The following EIPR1 variants were observed in gnomAD, a reference collection of about 807,000 sequenced individuals.
EIPR1 encodes the protein EARP complex and GARP complex interacting protein 1.
Under a neutral mutation model 48.1 loss-of-function variants are expected in EIPR1, and 25 were observed. That is an observed-to-expected ratio of 0.52 (90% CI 0.38 to 0.73). The LOEUF (loss-of-function observed/expected upper bound fraction) is 0.73. Ranked by LOEUF, EIPR1 falls within the 30% of genes least tolerant of loss-of-function variation. The pLI, the probability that EIPR1 is intolerant of heterozygous loss-of-function variation, is 0.00. For missense variants in EIPR1, 415 were observed against 506.2 expected, an observed-to-expected ratio of 0.82 and a Z score of 1.73; for synonymous variants, 204 against 201.9, an observed-to-expected ratio of 1.01 and a Z score of -0.09.
intron 2 of EIPR1, among the ~76,000 whole-genome samples, chr2:3,353,504 C>T (rs766040689): frequency 6.6e-6 from 1 of 152,156 alleles, no homozygotes; most frequent in Non-Finnish European, 1.5e-5. Flanking sequence ...CCAGATTCAA[C>T]CTGAGGGAAG....
chr2:3,260,315 AC>A (rs1299016440), intron 3 of EIPR1, among the ~76,000 whole-genome samples: 3 of 151,984 alleles, frequency 2.0e-5, no homozygotes, highest in African/African-American at 7.3e-5. Flanking sequence ...ACATGGTGAA[AC>A]CCCGTCTCTA....
At chr2:3,362,671 G>GC (rs1553306027) in intron 1 of EIPR1, among the ~76,000 whole-genome samples, 1 of 150,342 alleles carries the variant, frequency 6.7e-6, no homozygotes, top group Non-Finnish European at 1.5e-5. Context: ...AAAAGGAGAA[G>GC]AAAAAACAGA....
intron 3 of EIPR1, among the ~76,000 whole-genome samples, chr2:3,280,218 C>T (rs1291671145): frequency 6.6e-6 from 1 of 152,246 alleles, no homozygotes; most frequent in African/African-American, 2.4e-5. Context: ...CCCCTTTAAA[C>T]CTGAGTCCGG....
intron 5 of EIPR1, among the ~76,000 whole-genome samples, chr2:3,213,886 A>C (rs1410775268): frequency 1.3e-5 from 2 of 152,194 alleles, no homozygotes; most frequent in Non-Finnish European, 2.9e-5. Context: ...GTTCTAGGGT[A>C]CATGTGCACA....
At chr2:3,355,517 C>A (rs1272101914) in intron 1 of EIPR1, among the ~76,000 whole-genome samples, 1 of 152,172 alleles carries the variant, frequency 6.6e-6, no homozygotes, top group Admixed American at 6.5e-5. Flanking sequence ...TCAAAAATAG[C>A]CAGTCATAAG....
In EIPR1 at chr2:3,305,970, G is replaced by A. The variant is rs752471879; in HGVS notation, c.259+32047C>T. ...TTCTATGACCTGAAAATTTCAAATCGCTGCTTCCCCCCTTTCTACTGAGTT... is the reference window on the plus strand; with the variant it reads ...TTCTATGACCTGAAAATTTCAAATCACTGCTTCCCCCCTTTCTACTGAGTT... On this transcript the variant is annotated intron_variant, in intron 3 of 8. Coordinates refer to ENST00000382125, the MANE Select transcript of EIPR1 (RefSeq NM_003310.5). Among the ~76,000 whole-genome samples, 60 of 152,114 alleles carry A rather than the reference G, an allele frequency of 3.9e-4. 1 individual carries two copies. Among genetic ancestry groups the A allele is most frequent in the South Asian group, 1.5e-3 (7 of 4,796 alleles).
chr2:3,335,601 G>A (rs913284140), intron 3 of EIPR1, among the ~76,000 whole-genome samples: 3 of 152,202 alleles, frequency 2.0e-5, no homozygotes, highest in African/African-American at 7.2e-5. Flanking sequence ...AACTGATGTG[G>A]TTTGGGTCTG....
intron 1 of EIPR1, 36 bp downstream of exon 1, chr2:3,377,612 G>A (rs372755085): frequency 1.5e-5 from 24 of 1,558,914 alleles, no homozygotes; most frequent in African/African-American, 1.4e-5. Context: ...TCAACAGCCA[G>A]GCCGAGCAGC....
At chr2:3,247,028 C>CGAGG (rs1666846620) in intron 4 of EIPR1, among the ~76,000 whole-genome samples, 1 of 5,596 alleles carries the variant, frequency 1.8e-4, no homozygotes, top group Non-Finnish European at 2.7e-4. Flanking sequence ...AGGGAGAGAG[C>CGAGG]GAGGGAGGGA....
intron 3 of EIPR1, chr2:3,320,398 T>C (rs62121547): frequency 0.13 from 20,713 of 158,836 alleles, 1,704 homozygotes; most frequent in Non-Finnish European, 0.18. Context: ...CGGACAACAC[T>C]GCACCTGTGT....
intron 1 of EIPR1, among the ~76,000 whole-genome samples, chr2:3,356,629 G>A (rs181491395): frequency 2.0e-4 from 30 of 152,276 alleles, no homozygotes; most frequent in East Asian, 7.7e-4. Flanking sequence ...GAACTTACGC[G>A]GTAAAGGGAC....
At chr2:3,264,515 G>A (rs1466987726) in intron 3 of EIPR1, among the ~76,000 whole-genome samples, 3 of 152,208 alleles carry the variant, frequency 2.0e-5, no homozygotes, top group Non-Finnish European at 4.4e-5. Flanking sequence ...CACTGCTAGG[G>A]AAGTGTCAAA....
chr2:3,257,276 G>A lies in EIPR1; in HGVS notation c.416+23C>T, dbSNP rs6711665. ...GCCAACCTGCAGGCTCGTTCTGGGC[G>A]CATGAAATATGCAAAATCCTACCAG... On this transcript the variant is annotated intron_variant, in intron 4 of 8. Coordinates refer to ENST00000382125, the MANE Select transcript of EIPR1 (RefSeq NM_003310.5). The A allele has an allele frequency of 2.6e-3, 4,234 of 1,604,860 alleles. 81 individuals carry two copies. The African/African-American group carries it at 0.049, about 18-fold the overall frequency.
At chr2:3,238,549 C>T (rs530859542) in intron 4 of EIPR1, among the ~76,000 whole-genome samples, 7 of 152,368 alleles carry the variant, frequency 4.6e-5, no homozygotes, top group African/African-American at 1.7e-4. Flanking sequence ...CCCACTGCCA[C>T]TGTGGCCCAG....
At chr2:3,359,286 A>C (rs1240434050) in intron 1 of EIPR1, among the ~76,000 whole-genome samples, 1 of 152,226 alleles carries the variant, frequency 6.6e-6, no homozygotes, top group African/African-American at 2.4e-5. Flanking sequence ...TATACTGAAA[A>C]ATGAAGGGCA....
chr2:3,236,051 G>A (rs1257795150), intron 4 of EIPR1, among the ~76,000 whole-genome samples: 3 of 152,088 alleles, frequency 2.0e-5, no homozygotes, highest in Admixed American at 6.5e-5. Context: ...TGCTAAGAGC[G>A]CCTCCACATG....
At chr2:3,290,948 A>G (rs1170710981) in intron 3 of EIPR1, among the ~76,000 whole-genome samples, 1 of 152,232 alleles carries the variant, frequency 6.6e-6, no homozygotes, top group Non-Finnish European at 1.5e-5. Flanking sequence ...ACTGAGAGAA[A>G]GAGGCCAGAG....
At chr2:3,287,645 G>C (rs71444241) in intron 3 of EIPR1, among the ~76,000 whole-genome samples, 2 of 98,054 alleles carry the variant, frequency 2.0e-5, no homozygotes, top group Non-Finnish European at 4.1e-5. Context: ...ACCACGCTCC[G>C]GAAAGCTCGT....
chr2:3,377,788 A>AAT lies in EIPR1; in HGVS notation c.-100_-99insAT. ...GCGGGCGTGTTCCCAGCGCCCATTCATTCCCTCCCCGCAGCAAACGACTCC... is the reference window on the plus strand; with the variant it reads ...GCGGGCGTGTTCCCAGCGCCCATTCAATTTCCCTCCCCGCAGCAAACGACTCC... On this transcript the variant is annotated 5_prime_UTR_variant, in exon 1 of 9. The change abolishes an upstream ATG in the 5' untranslated region. Transcript: ENST00000382125. The AAT allele has an allele frequency of 2.5e-6, 3 of 1,186,950 alleles. No homozygotes were observed. The highest frequency in any genetic ancestry group is 3.6e-6 in the Non-Finnish European group (3 of 835,958). 73.5% of individuals were successfully genotyped at this position (1,186,950 alleles called of 1,614,324 possible). A position where few individuals can be genotyped will look rare whatever the true frequency, so the allele number is the denominator to read the frequency against.
Sources: allele counts gnomAD v4.1 joint callset (sites outside exome capture counted in the v4.1 genomes callset), GRCh38; gene constraint gnomAD v4.1.1; transcripts MANE v1.5; gene names NCBI Gene and HGNC (gene_info 2026-07-23, HGNC 2026-07-21).